The following BABAM2 variants were observed in gnomAD, a reference collection of about 807,000 sequenced individuals.
The protein encoded by BABAM2 is BRISC and BRCA1-A complex member 2.
BABAM2 carries 31 observed loss-of-function variants against 54.7 expected under a neutral mutation model. That is an observed-to-expected ratio of 0.57 (90% CI 0.43 to 0.77). The LOEUF (loss-of-function observed/expected upper bound fraction) is 0.77, where lower values mean the gene tolerates loss of function less well. Among genes scored for constraint, BABAM2 ranks in the 30% least tolerant of loss-of-function variants. The pLI is 0.00. For synonymous variants in BABAM2, 167 were observed against 162.9 expected (o/e 1.03, Z -0.19); for missense variants, 364 against 455.8 (o/e 0.80, Z 1.83).
In BABAM2 at chr2:28,115,182, AACACACACACACACACACACACAC is replaced by A. The variant is rs35506654; in HGVS notation, c.571-14069_571-14046del. Among the ~76,000 whole-genome samples, 183 of 142,348 alleles carry A rather than the reference AACACACACACACACACACACACAC, an allele frequency of 1.3e-3. 2 individuals carry two copies. The highest frequency in any genetic ancestry group is 0.011 in the Admixed American group (159 of 14,204). 93.4% of individuals were successfully genotyped at this position (142,348 alleles called of 152,430 possible). On this transcript the variant is annotated intron_variant, in intron 6 of 11. Transcript: ENST00000379624. ...ATAACACATATGTAAATAACTTTAA[AACACACACACACACACACACACAC>A]ACACACACACACACACACAAACCAA...
At chr2:28,292,357 A>G (rs1337916356) in intron 10 of BABAM2, among the ~76,000 whole-genome samples, 1 of 152,214 alleles carries the variant, frequency 6.6e-6, no homozygotes, top group Non-Finnish European at 1.5e-5. Flanking sequence ...TATGCCTTGA[A>G]TGCTTTCTTA....
At chr2:27,941,425 G>C (rs1056037006) in intron 3 of BABAM2, among the ~76,000 whole-genome samples, 1 of 151,946 alleles carries the variant, frequency 6.6e-6, no homozygotes. Flanking sequence ...GTGTGGTGGC[G>C]GGTGCCTGTA....
intron 5 of BABAM2, among the ~76,000 whole-genome samples, chr2:28,043,031 TA>T (rs930797734): frequency 6.8e-6 from 1 of 146,272 alleles, no homozygotes; most frequent in Non-Finnish European, 1.5e-5. Context: ...CTCAAAAAAA[TA>T]AAAAAAATGA....
intron 6 of BABAM2, among the ~76,000 whole-genome samples, chr2:28,118,193 G>T (rs893281614): frequency 2.6e-5 from 4 of 152,198 alleles, no homozygotes; most frequent in African/African-American, 9.7e-5. Context: ...GTATGCATGT[G>T]TCTTTATAGT....
intron 11 of BABAM2, among the ~76,000 whole-genome samples, chr2:28,314,607 C>T (rs970676334): frequency 3.9e-5 from 6 of 152,176 alleles, no homozygotes; most frequent in African/African-American, 9.7e-5. Context: ...ATTCATTCAG[C>T]AGATGTTTAT....
chr2:28,054,660 C>G (rs557410942), intron 6 of BABAM2, among the ~76,000 whole-genome samples: 84 of 152,310 alleles, frequency 5.5e-4, no homozygotes, highest in African/African-American at 2.0e-3. Context: ...GAAACAGGCC[C>G]TCACCAGACA....
chr2:28,266,644 G>A (rs764972142), intron 10 of BABAM2, among the ~76,000 whole-genome samples: 11 of 152,190 alleles, frequency 7.2e-5, no homozygotes, highest in Non-Finnish European at 1.2e-4. Flanking sequence ...TGTTTTTAAG[G>A]TAAGGAAACC....
chr2:28,211,202 G>T (rs879589824), intron 7 of BABAM2, among the ~76,000 whole-genome samples: 8 of 152,138 alleles, frequency 5.3e-5, no homozygotes, highest in African/African-American at 1.9e-4. Context: ...GAAAACTCTA[G>T]ACTCCAAGAG....
intron 10 of BABAM2, among the ~76,000 whole-genome samples, chr2:28,281,283 G>T (rs870969): frequency 6.6e-5 from 10 of 152,124 alleles, no homozygotes; most frequent in African/African-American, 2.2e-4. Flanking sequence ...TGGCCTCCAC[G>T]TGTAGGACAG....
intron 1 of BABAM2, among the ~76,000 whole-genome samples, chr2:27,893,446 C>A (rs72854418): frequency 0.054 from 8,243 of 152,256 alleles, 636 homozygotes; most frequent in African/African-American, 0.17. Flanking sequence ...TGTTATATCT[C>A]TTCCTTGGAT....
intron 6 of BABAM2, among the ~76,000 whole-genome samples, chr2:28,101,338 G>A (rs553380324): frequency 7.2e-5 from 11 of 152,240 alleles, no homozygotes; most frequent in African/African-American, 2.6e-4. Flanking sequence ...CCGAACCTAT[G>A]ACAGAGTTTG....
intron 7 of BABAM2, among the ~76,000 whole-genome samples, chr2:28,224,689 C>T (rs1394900996): frequency 6.6e-6 from 1 of 152,024 alleles, no homozygotes; most frequent in Non-Finnish European, 1.5e-5. Context: ...ACAGGCCTAG[C>T]CTAAGGTTAA....
rs749787069 is a variant in BABAM2, at chr2:28,240,885, AC to A, written c.781-437del. Among the ~76,000 whole-genome samples, 1,079 of 128,022 alleles carry A rather than the reference AC, an allele frequency of 8.4e-3. 8 individuals carry two copies. The highest frequency in any genetic ancestry group is 0.014 in the Non-Finnish European group (788 of 57,394). The allele number at this position is 128,022 out of a possible 152,430, so 84.0% of individuals were successfully genotyped here. ...GACTCTGTCTCAAAAAAAAAAAAAA[AC>A]AAAAAAAACCCATTTATTTTAATTC... On this transcript the variant is annotated intron_variant, in intron 8 of 11. Coordinates refer to ENST00000379624, the MANE Select transcript of BABAM2 (RefSeq NM_199191.3).
At chr2:28,058,874 T>TC (rs1678643545) in intron 6 of BABAM2, among the ~76,000 whole-genome samples, 1 of 152,180 alleles carries the variant, frequency 6.6e-6, no homozygotes, top group Non-Finnish European at 1.5e-5. Context: ...ATTTTACAAA[T>TC]CCATCAGTTG....
At chr2:28,244,579 A>G (rs564784680) in intron 9 of BABAM2, among the ~76,000 whole-genome samples, 28 of 152,342 alleles carry the variant, frequency 1.8e-4, no homozygotes, top group African/African-American at 6.5e-4. Context: ...TAGATAGTCA[A>G]TGGCAAAGCT....
intron 5 of BABAM2, among the ~76,000 whole-genome samples, chr2:28,026,713 C>A: frequency 8.0e-6 from 1 of 124,302 alleles, no homozygotes; most frequent in Non-Finnish European, 1.6e-5. Flanking sequence ...CACATGTATC[C>A]CACAACTTAA....
chr2:28,291,186 A>G (rs1687251499), intron 10 of BABAM2, among the ~76,000 whole-genome samples: 1 of 152,190 alleles, frequency 6.6e-6, no homozygotes, highest in Admixed American at 6.5e-5. Flanking sequence ...CAATATTTGA[A>G]CTCACTTTAT....
chr2:28,264,340 T>C (rs150332476), intron 10 of BABAM2, among the ~76,000 whole-genome samples: 310 of 152,316 alleles, frequency 2.0e-3, no homozygotes, highest in African/African-American at 6.7e-3. Context: ...AGATTCCCTG[T>C]ATTGAAAAAA....
At chr2:28,145,262 G>GC (rs1442143643) in intron 7 of BABAM2, among the ~76,000 whole-genome samples, 4 of 152,144 alleles carry the variant, frequency 2.6e-5, no homozygotes. Flanking sequence ...CTGTAAATAC[G>GC]CATCTCTTCT....
Sources: gnomAD v4.1 joint callset for allele counts (sites outside exome capture counted in the v4.1 genomes callset) on GRCh38, gnomAD v4.1.1 for gene constraint, MANE v1.5 for transcripts, NCBI Gene and HGNC (gene_info 2026-07-23, HGNC 2026-07-21) for gene names.